Variants in PHACTR1 observed in about 807,000 individuals in gnomAD.
PHACTR1 encodes RPEL repeat containing 1.
In PHACTR1, 16 loss-of-function variants were observed where a neutral mutation model predicts 69.2. That is an observed-to-expected ratio of 0.23 (90% CI 0.16 to 0.35). The LOEUF (loss-of-function observed/expected upper bound fraction) is 0.35, where lower values mean the gene tolerates loss of function less well. Among genes scored for constraint, PHACTR1 ranks in the 10% least tolerant of loss-of-function variants. PHACTR1 has a pLI of 1.00. For missense variants in PHACTR1, 510 were observed against 734.7 expected (o/e 0.69, Z 3.54); for synonymous variants, 312 against 284.5 (o/e 1.10, Z -0.97).
chr6:13,172,723 A>G (rs1760792180), intron 6 of PHACTR1, among the ~76,000 whole-genome samples: 1 of 152,256 alleles, frequency 6.6e-6, no homozygotes, highest in Non-Finnish European at 1.5e-5. Context: ...ATAGGATAAT[A>G]AACTCAGAAC....
intron 4 of PHACTR1, among the ~76,000 whole-genome samples, chr6:13,049,561 A>G (rs1805608464): frequency 6.6e-6 from 1 of 152,194 alleles, no homozygotes; most frequent in Admixed American, 6.5e-5. Flanking sequence ...ATGATAGGAA[A>G]TCTTCCAACC....
At chr6:13,105,435 G>A (rs1386770791) in intron 5 of PHACTR1, among the ~76,000 whole-genome samples, 1 of 152,086 alleles carries the variant, frequency 6.6e-6, no homozygotes, top group Non-Finnish European at 1.5e-5. Flanking sequence ...CTATTAAATG[G>A]AGATACACAT....
chr6:13,263,250 T>G (rs927870897), intron 10 of PHACTR1, among the ~76,000 whole-genome samples: 27 of 150,562 alleles, frequency 1.8e-4, no homozygotes, highest in Admixed American at 8.6e-4. Context: ...TTTTTTTTTT[T>G]TTTTTTTTTT....
chr6:12,733,180 T>G (rs1031273247), intron 3 of PHACTR1, among the ~76,000 whole-genome samples: 1 of 152,180 alleles, frequency 6.6e-6, no homozygotes, highest in African/African-American at 2.4e-5. Flanking sequence ...TAACAGGATA[T>G]TTGTAATGTT....
At chr6:13,209,245 C>G (rs1561998027) in intron 8 of PHACTR1, among the ~76,000 whole-genome samples, 1 of 152,124 alleles carries the variant, frequency 6.6e-6, no homozygotes, top group Non-Finnish European at 1.5e-5. Context: ...CACCAGCTGT[C>G]TTGGGTGATT....
Position 13,140,454 on chromosome 6 carries a change from A to T in PHACTR1, c.416-19750A>T, listed in dbSNP as rs551253300. On this transcript the variant is annotated intron_variant, in intron 5 of 14. Coordinates refer to ENST00000332995, the MANE Select transcript of PHACTR1 (RefSeq NM_030948.6). The stretch of plus-strand genomic sequence containing the variant: ...ATACAATGGAGTATTACTCATCATT[A>T]AAAAAGAAAGGAAATTCTGACACAT... 2.6e-5 allele frequency among the ~76,000 whole-genome samples: 4 copies of T among 152,364 alleles called. No homozygotes were observed. In the East Asian group the frequency reaches 7.7e-4, roughly 29 times the overall value.
At chr6:12,953,280 G>A (rs373073511) in intron 4 of PHACTR1, among the ~76,000 whole-genome samples, 3 of 152,054 alleles carry the variant, frequency 2.0e-5, no homozygotes, top group East Asian at 1.9e-4. Context: ...CCGAGATCGC[G>A]GCACTGCACT....
rs905847987 is a variant in PHACTR1 at position 12,899,443 on chromosome 6, T to C, written c.250+149653T>C. ...ATCTGTATGTCATAAACTGTTAAAA[T>C]AGCCCAGCTAATAGGGTTCCTTTAA... On this transcript the variant is annotated intron_variant, in intron 4 of 14. Coordinates refer to ENST00000332995, the MANE Select transcript of PHACTR1 (RefSeq NM_030948.6). Among the ~76,000 whole-genome samples, 3 of 152,250 alleles carry C rather than the reference T, an allele frequency of 2.0e-5. No individual in the cohort carries two copies. The South Asian group carries it at 6.2e-4, about 31-fold the overall frequency.
chr6:12,815,767 C>G (rs1294844954), intron 4 of PHACTR1, among the ~76,000 whole-genome samples: 1 of 152,206 alleles, frequency 6.6e-6, no homozygotes, highest in Non-Finnish European at 1.5e-5. Flanking sequence ...TTTCCCCAGT[C>G]TAGCTTGCTT....
intron 10 of PHACTR1, among the ~76,000 whole-genome samples, chr6:13,232,380 G>T (rs191770303): frequency 2.0e-5 from 3 of 152,150 alleles, no homozygotes; most frequent in African/African-American, 7.2e-5. Flanking sequence ...TTGTAAAATG[G>T]TCAACACTGA....
chr6:12,746,671 T>C (rs1213603646), intron 3 of PHACTR1, among the ~76,000 whole-genome samples: 1 of 152,246 alleles, frequency 6.6e-6, no homozygotes, highest in African/African-American at 2.4e-5. Flanking sequence ...TTAAACTCCT[T>C]TGAAGAAGGA....
chr6:12,929,112 G>A (rs375782871), intron 4 of PHACTR1, among the ~76,000 whole-genome samples: 1 of 152,154 alleles, frequency 6.6e-6, no homozygotes, highest in African/African-American at 2.4e-5. Flanking sequence ...CCCCTCACCT[G>A]GGATGGCTCA....
intron 4 of PHACTR1, among the ~76,000 whole-genome samples, chr6:13,031,232 T>G (rs548697886): frequency 6.6e-6 from 1 of 152,344 alleles, no homozygotes; most frequent in South Asian, 2.1e-4. Context: ...ACTGATCTAA[T>G]GTAATTGGAA....
At chr6:13,102,223 T>C (rs1343357588) in intron 5 of PHACTR1, among the ~76,000 whole-genome samples, 1 of 152,202 alleles carries the variant, frequency 6.6e-6, no homozygotes, top group Non-Finnish European at 1.5e-5. Flanking sequence ...AAGGAACTAT[T>C]GATTGGGCTG....
intron 4 of PHACTR1, among the ~76,000 whole-genome samples, chr6:13,000,562 G>A (rs973603244): frequency 7.5e-5 from 11 of 146,486 alleles, no homozygotes; most frequent in African/African-American, 2.8e-4. Context: ...GGGAGAGAGA[G>A]ACAAAGAGAG....
chr6:12,860,720 T>C lies in PHACTR1; in HGVS notation c.250+110930T>C, dbSNP rs536212735. Among the ~76,000 whole-genome samples, 18 of 152,324 alleles carry C rather than the reference T, an allele frequency of 1.2e-4. No homozygotes were observed. The East Asian group carries it at 3.5e-3, about 29-fold the overall frequency. On this transcript the variant is annotated intron_variant, in intron 4 of 14. Coordinates refer to ENST00000332995, the MANE Select transcript of PHACTR1 (RefSeq NM_030948.6). ...GGTATGAGATGGTATCTCATTGTGG[T>C]TTTGATTTGCATTTCTCTAATGACC...
At chr6:13,266,944 A>T (rs1408486476) in intron 10 of PHACTR1, 1 of 151,778 alleles carries the variant, frequency 6.6e-6, no homozygotes, top group Admixed American at 6.6e-5. Context: ...TTCTCTCCTT[A>T]CTCTCTGCCC....
At chr6:13,127,650 T>A (rs549597884) in intron 5 of PHACTR1, among the ~76,000 whole-genome samples, 2 of 152,196 alleles carry the variant, frequency 1.3e-5, no homozygotes, top group Non-Finnish European at 2.9e-5. Context: ...TAACTCAAAA[T>A]AGTCAATATG....
At chr6:13,075,499 G>A (rs898541172) in intron 5 of PHACTR1, among the ~76,000 whole-genome samples, 12 of 152,170 alleles carry the variant, frequency 7.9e-5, no homozygotes, top group African/African-American at 2.7e-4. Context: ...TTCAGTCAGT[G>A]AGTAGTTGTA....
Sources: gnomAD v4.1 joint callset for allele counts (sites outside exome capture counted in the v4.1 genomes callset) on GRCh38, gnomAD v4.1.1 for gene constraint, MANE v1.5 for transcripts, NCBI Gene and HGNC (gene_info 2026-07-23, HGNC 2026-07-21) for gene names.